The following MCM4 variants were observed in gnomAD, a reference collection of about 807,000 sequenced individuals.
The protein encoded by MCM4 is DNA replication licensing factor MCM4.
Under a neutral mutation model 88.7 loss-of-function variants are expected in MCM4, and 60 were observed. The ratio of observed to expected loss-of-function variants is 0.68; its 90% CI spans 0.55 to 0.84. The LOEUF (loss-of-function observed/expected upper bound fraction) is 0.84. Among genes scored for constraint, MCM4 ranks in the 40% least tolerant of loss-of-function variants. The probability of loss-of-function intolerance (pLI) is 0.00; values close to 1 mark genes in which losing one functional copy is unlikely to be tolerated. For missense variants in MCM4, 1,149 were observed against 1,105.5 expected, an observed-to-expected ratio of 1.04 and a Z score of -0.56; for synonymous variants, 465 against 410.5, an observed-to-expected ratio of 1.13 and a Z score of -1.61.
Position 47,961,518 on chromosome 8 carries a change from C to G in MCM4, c.73C>G (p.Arg25Gly). The G allele has an allele frequency of 6.2e-7, 1 of 1,613,964 alleles. No homozygotes were observed. The highest frequency in any genetic ancestry group is 2.2e-5 in the East Asian group (1 of 44,864). Residue 25 changes from arginine (R) to glycine (G), a missense_variant and splice_region_variant, in exon 3 of 17, where the codon CGG becomes GGG. Transcript: ENST00000649973. ...RGRATPAQTP[R>G]SEDARSSPSQ... ...TTTTCTGTTTTGTGTGACACAAGCTCGGAGTGAGGATGCCAGGTCATCTCC... is the reference window on the plus strand; with the variant it reads ...TTTTCTGTTTTGTGTGACACAAGCTGGGAGTGAGGATGCCAGGTCATCTCC...
chr8:47,963,984 G>T (rs1336016613), intron 7 of MCM4, among the ~76,000 whole-genome samples: 3 of 152,316 alleles, frequency 2.0e-5, no homozygotes, highest in East Asian at 3.9e-4. Context: ...AGCACTTTGG[G>T]AGGCCGAGGC....
chr8:47,962,195 A>C lies in MCM4; in HGVS notation c.378A>C (p.Gln126His), dbSNP rs374167030. The C allele has an allele frequency of 6.2e-7, 1 of 1,614,178 alleles. No homozygotes were observed. Among genetic ancestry groups the C allele is most frequent in the Non-Finnish European group, 8.5e-7 (1 of 1,180,020 alleles). ...TGGGCTCTGCACAGAAGGGCCTGCA[A>C]GTGGATCTGCAGTCTGACGGGGTGA... Reference protein sequence around the residue: ...PDLGSAQKGLQVDLQSDGAAA... With the variant: ...PDLGSAQKGLHVDLQSDGAAA... The change falls in exon 4 of 17, where the codon CAA (glutamine) becomes CAC (histidine). Residue 126 changes from glutamine to histidine, a missense_variant. Gln to His is a conservative substitution (Grantham distance 24, BLOSUM62 0). This residue lies in a region of MCM4 where 906 missense variants were observed against 843.0 expected (regional missense o/e 1.07). Transcript: ENST00000649973.
rs1461462817 is a variant in MCM4, at chr8:47,960,969, G to C, written c.-60G>C. The C allele has an allele frequency of 2.0e-5, 12 of 609,582 alleles. 1 individual carries two copies. The South Asian group carries it at 3.0e-4, about 15-fold the overall frequency. 37.8% of individuals were successfully genotyped at this position (609,582 alleles called of 1,614,324 possible). A position where few individuals can be genotyped will look rare whatever the true frequency, so the allele number is the denominator to read the frequency against. On this transcript the variant is annotated 5_prime_UTR_variant, in exon 1 of 17. Coordinates refer to ENST00000649973, the MANE Select transcript of MCM4 (RefSeq NM_182746.3). The stretch of plus-strand genomic sequence containing the variant: ...GTTTGGGAGCGCTACTCGCCAGGTG[G>C]ACTCGGAGTCCGCGAGCGTCGTCGG...
chr8:47,972,542 G>T lies in MCM4; in HGVS notation c.1929-315G>T, dbSNP rs376069899. On this transcript the variant is annotated intron_variant, in intron 13 of 16. Coordinates refer to ENST00000649973, the MANE Select transcript of MCM4 (RefSeq NM_182746.3). ...TCTCAACTAGGAAAACAGTTTTTTT[G>T]TTGTTGTTTTGGGTTTTTTTGTTTG... Among the ~76,000 whole-genome samples, 33 of 152,200 alleles carry T rather than the reference G, an allele frequency of 2.2e-4. 1 individual carries two copies. The highest frequency in any genetic ancestry group is 3.4e-3 in the Middle Eastern group (1 of 294).
Position 47,976,819 on chromosome 8 carries a change from C to A in MCM4, c.*41C>A. 1 of 1,264,524 alleles carries A rather than the reference C, an allele frequency of 7.9e-7. No homozygotes were observed. Among genetic ancestry groups the A allele is most frequent in the Non-Finnish European group, 1.2e-6 (1 of 862,924 alleles). 78.3% of individuals were successfully genotyped at this position (1,264,524 alleles called of 1,614,324 possible). A position where few individuals can be genotyped will look rare whatever the true frequency, so the allele number is the denominator to read the frequency against. Reference sequence around the variant, plus strand: ...GAAGGCTCCCTGCATGTCCTGCTTGCTGCACGCCACATGGGTGTGGTCTGC... The same window carrying A: ...GAAGGCTCCCTGCATGTCCTGCTTGATGCACGCCACATGGGTGTGGTCTGC... On this transcript the variant is annotated 3_prime_UTR_variant, in exon 17 of 17. Transcript: ENST00000649973.
rs758822214 is a variant in MCM4, at chr8:47,962,094, G to A, written c.277G>A (p.Gly93Ser). Residue 93 changes from glycine (G) to serine (S), a missense_variant, in exon 4 of 17, where the codon GGC becomes AGC. Gly to Ser is a moderately conservative substitution (Grantham distance 56, BLOSUM62 0). Transcript: ENST00000649973. ...TGATGTTAGTTCACCACTGACATAC[G>A]GCACTCCCAGCTCTCGGGTAGAGGG... The part of the protein sequence containing the change: ...DFDVSSPLTY[G>S]TPSSRVEGTP... The A allele has an allele frequency of 1.7e-5, 27 of 1,614,070 alleles. No homozygotes were observed. The highest frequency in any genetic ancestry group is 2.2e-5 in the Non-Finnish European group (26 of 1,180,006).
intron 10 of MCM4, chr8:47,969,032 A>G (rs542214445): frequency 1.3e-5 from 2 of 152,356 alleles, no homozygotes; most frequent in East Asian, 3.9e-4. Flanking sequence ...TTAGGGAAGT[A>G]AAAATACTGC....
rs765097000 is a variant in MCM4 at position 47,975,811 on chromosome 8, A to T, written c.2462A>T (p.Gln821Leu). 1 of 1,585,664 alleles carries T rather than the reference A, an allele frequency of 6.3e-7. No homozygotes were observed. Among genetic ancestry groups the T allele is most frequent in the East Asian group, 2.3e-5 (1 of 43,174 alleles). The change falls in exon 16 of 17, where the codon CAG (glutamine) becomes CTG (leucine). Residue 821 changes from glutamine to leucine, a missense_variant. Around this residue, in one of 3 missense-constraint regions of MCM4, gnomAD observed 238 missense variants for 241.6 expected, o/e 0.99. Transcript: ENST00000649973. Reference sequence around the variant, plus strand: ...GGCAAAACACCAGCTCTAAAATACCAGCAACTTTTTGAAGATATTCGGGGA... The same window carrying T: ...GGCAAAACACCAGCTCTAAAATACCTGCAACTTTTTGAAGATATTCGGGGA... Reference protein sequence around the residue: ...SKGKTPALKYQQLFEDIRGQS... With the variant: ...SKGKTPALKYLQLFEDIRGQS...
Position 47,966,380 on chromosome 8 carries a change from C to T in MCM4, c.1026C>T (p.Asn342=), listed in dbSNP as rs1303649613. Reference sequence around the variant, plus strand: ...CCCACAGCATGGCACTCATCCACAACCGCTCCCTCTTCTCTGACAAGCAGA... The same window carrying T: ...CCCACAGCATGGCACTCATCCACAATCGCTCCCTCTTCTCTGACAAGCAGA... ...HTTHSMALIH[N]RSLFSDKQMI... The change falls in exon 9 of 17, where the codon AAC becomes AAT. Residue 342 remains asparagine, a synonymous_variant. Coordinates refer to ENST00000649973, the MANE Select transcript of MCM4 (RefSeq NM_182746.3). The T allele has an allele frequency of 1.2e-6, 2 of 1,612,676 alleles. No individual in the cohort carries two copies. Among genetic ancestry groups the T allele is most frequent in the Non-Finnish European group, 1.7e-6 (2 of 1,179,060 alleles).
intron 11 of MCM4, 82 bp from the exon 12 acceptor site, chr8:47,970,429 A>G: frequency 6.8e-7 from 1 of 1,479,136 alleles, no homozygotes; most frequent in Non-Finnish European, 9.1e-7. Context: ...TTTATAAGAG[A>G]GAAAAGTACC....
At chr8:47,976,072 C>T (rs932684350) in intron 16 of MCM4, among the ~76,000 whole-genome samples, 2 of 152,082 alleles carry the variant, frequency 1.3e-5, no homozygotes, top group Non-Finnish European at 2.9e-5. Context: ...GTGGGCAGAT[C>T]ACTTGCAGCC....
intron 14 of MCM4, chr8:47,974,274 T>C: frequency 6.3e-6 from 1 of 158,554 alleles, no homozygotes; most frequent in Non-Finnish European, 1.4e-5. Context: ...GTGTCATCTG[T>C]ATGTGAAATT....
chr8:47,971,375 C>T lies in MCM4; in HGVS notation c.1835C>T (p.Ser612Phe). 1.2e-6 allele frequency: 2 copies of T among 1,614,184 alleles called. No individual in the cohort carries two copies. Among genetic ancestry groups the T allele is most frequent in the Non-Finnish European group, 1.7e-6 (2 of 1,180,028 alleles). The part of the protein sequence containing the change: ...GIICQLNART[S>F]VLAAANPIES... The stretch of plus-strand genomic sequence containing the variant: ...ATCTGTCAGCTCAATGCGCGCACCT[C>T]TGTCCTGGCAGCAGCAAATCCCATT... Residue 612 changes from serine (S) to phenylalanine (F), a missense_variant, in exon 13 of 17, where the codon TCT becomes TTT. Coordinates refer to ENST00000649973, the MANE Select transcript of MCM4 (RefSeq NM_182746.3).
intron 10 of MCM4, chr8:47,969,045 A>G (rs1423324016): frequency 6.6e-6 from 1 of 152,224 alleles, no homozygotes; most frequent in African/African-American, 2.4e-5. Context: ...AATACTGCTT[A>G]TTAAAAACAA....
At position 47,971,324 on chromosome 8, in the gene MCM4, A is replaced by G. The variant is rs765045600; in HGVS notation, c.1801-17A>G. ...GCGTCAGGGAGAGGCTTCTAACTGC[A>G]CTCTTTGCTCTGATAGGCTGGGATC... is the stretch of plus-strand genomic sequence containing the variant. On this transcript the variant is annotated splice_polypyrimidine_tract_variant and intron_variant, in intron 12 of 16. Coordinates refer to ENST00000649973, the MANE Select transcript of MCM4 (RefSeq NM_182746.3). The G allele has an allele frequency of 5.0e-6, 8 of 1,613,612 alleles. No homozygotes were observed. The highest frequency in any genetic ancestry group is 1.7e-5 in the Admixed American group (1 of 59,926).
In MCM4 at chr8:47,970,512, G is replaced by A; in HGVS notation, c.1436G>A (p.Gly479Glu). ...SIYEHEDIKK[G>E]ILLQLFGGTR... The stretch of plus-strand genomic sequence containing the variant: ...TTAGACATGTCTCTGATTATTTAGG[G>A]AATTTTGCTTCAGCTCTTTGGCGGG... The change falls in exon 12 of 17, where the codon GGA becomes GAA. Residue 479 changes from glycine to glutamate, a missense_variant and splice_region_variant. Gly to Glu is a moderately conservative substitution (Grantham distance 98). Coordinates refer to ENST00000649973, the MANE Select transcript of MCM4 (RefSeq NM_182746.3). 1 of 1,594,556 alleles carries A rather than the reference G, an allele frequency of 6.3e-7. No individual in the cohort carries two copies. Among genetic ancestry groups the A allele is most frequent in the Non-Finnish European group, 8.6e-7 (1 of 1,166,084 alleles).
At chr8:47,973,806 C>G (rs2090977322) in intron 14 of MCM4, 1 of 152,216 alleles carries the variant, frequency 6.6e-6, no homozygotes, top group Admixed American at 6.5e-5. Context: ...TTTTTTATAA[C>G]TGTTTATTAC....
chr8:47,975,944 A>G (rs1337412200), intron 16 of MCM4, 96 bp downstream of exon 16: 2 of 828,804 alleles, frequency 2.4e-6, no homozygotes, highest in African/African-American at 3.6e-5. Flanking sequence ...AATAATAAAT[A>G]TAGAGAAGAA....
Position 47,973,026 on chromosome 8 carries a change from C to CA in MCM4, c.2098_2099insA (p.Pro700HisfsTer5). On this transcript the variant is annotated frameshift_variant, in exon 14 of 17. Coordinates refer to ENST00000649973, the MANE Select transcript of MCM4 (RefSeq NM_182746.3). LOFTEE classifies it high-confidence loss of function. ...TGCCTACGCGCACAGCACCATCATG[C>CA]CGCGGCTAAGTGAGGAAGCCAGCCA... is the stretch of plus-strand genomic sequence containing the variant. 6.2e-7 allele frequency: 1 copy of CA among 1,613,928 alleles called. No homozygotes were observed. The highest frequency in any genetic ancestry group is 1.7e-4 in the Middle Eastern group (1 of 5,960).
Sources: gnomAD v4.1 joint callset for allele counts (sites outside exome capture counted in the v4.1 genomes callset) on GRCh38, gnomAD v4.1.1 for gene constraint, gnomAD v4.1.1 regional missense constraint, MANE v1.5 for transcripts, NCBI Gene and HGNC (gene_info 2026-07-23, HGNC 2026-07-21) for gene names.